FAAH: variants seen among roughly 807,000 people sequenced by gnomAD.
FAAH encodes fatty acid amide hydrolase, also known as fatty-acid amide hydrolase 1.
A neutral mutation model predicts 69.7 loss-of-function variants in FAAH; 63 were observed. The ratio of observed to expected loss-of-function variants is 0.90; its 90% CI spans 0.74 to 1.12. FAAH has a LOEUF of 1.12. Ranked by LOEUF, FAAH falls within the 50% of genes most tolerant of loss-of-function variation. The probability of loss-of-function intolerance (pLI) is 0.00; values close to 1 mark genes in which losing one functional copy is unlikely to be tolerated. For synonymous variants in FAAH, 305 were observed against 324.2 expected (o/e 0.94, Z 0.64); for missense variants, 680 against 755.0 (o/e 0.90, Z 1.16).
intron 1 of FAAH, among the ~76,000 whole-genome samples, chr1:46,398,662 G>A (rs1437806390): frequency 1.3e-5 from 2 of 152,046 alleles, no homozygotes; most frequent in Non-Finnish European, 2.9e-5. Flanking sequence ...GCCTCCTGGA[G>A]TAGCTAGGAC....
rs944250567 is a variant in FAAH, at chr1:46,411,520, G to A, written c.1317-92G>A. 1.5e-6 allele frequency: 2 copies of A among 1,369,522 alleles called. No homozygotes were observed. Among genetic ancestry groups the A allele is most frequent in the African/African-American group, 1.4e-5 (1 of 69,838 alleles). 84.8% of individuals were successfully genotyped at this position (1,369,522 alleles called of 1,614,324 possible). A position where few individuals can be genotyped will look rare whatever the true frequency, so the allele number is the denominator to read the frequency against. ...GGGGTTGTGAAGGGTCCACGGAGGG[G>A]TGAGATCTAGAGGGTTGGCAGTAGG... On this transcript the variant is annotated intron_variant, in intron 11 of 14. Transcript: ENST00000243167. This position sits in a 1 kb window ranked among gnomAD's most constrained non-coding sequence, Gnocchi z 4.8.
At chr1:46,408,989 G>T in intron 8 of FAAH, 112 bp from the exon 9 acceptor site, 1 of 836,448 alleles carries the variant, frequency 1.2e-6, no homozygotes. Context: ...TCTAGTGAGA[G>T]CTATCTTGTG....
At position 46,411,996 on chromosome 1, in the gene FAAH, C is replaced by T; in HGVS notation, c.1357-147C>T. Reference sequence around the variant, plus strand: ...CCCTCTGAGAGGCAGCACTGCCTGCCCGGAGGACCTGTGTCCCACTGTGGC... The same window carrying T: ...CCCTCTGAGAGGCAGCACTGCCTGCTCGGAGGACCTGTGTCCCACTGTGGC... On this transcript the variant is annotated intron_variant, in intron 12 of 14. Transcript: ENST00000243167. The surrounding 1 kb of genome is among the most constrained non-coding windows in gnomAD (Gnocchi z 4.8). The T allele has an allele frequency of 1.3e-6, 1 of 750,100 alleles. No homozygotes were observed. Among genetic ancestry groups the T allele is most frequent in the Non-Finnish European group, 2.4e-6 (1 of 424,582 alleles). 46.5% of individuals were successfully genotyped at this position (750,100 alleles called of 1,614,324 possible).
chr1:46,398,657 C>T (rs1389824217), intron 1 of FAAH, among the ~76,000 whole-genome samples: 3 of 152,066 alleles, frequency 2.0e-5, no homozygotes, highest in Non-Finnish European at 2.9e-5. Context: ...CCTCAGCCTC[C>T]TGGAGTAGCT....
At chr1:46,396,575 G>C (rs1664601321) in intron 1 of FAAH, among the ~76,000 whole-genome samples, 1 of 151,898 alleles carries the variant, frequency 6.6e-6, no homozygotes, top group Non-Finnish European at 1.5e-5. Flanking sequence ...TGTGCCCCTG[G>C]GTACTCAAGA....
rs1268084614 is a variant in FAAH at position 46,410,674 on chromosome 1, AC to A, written c.1276-137del. 8.5e-7 allele frequency: 1 copy of A among 1,174,360 alleles called. No individual in the cohort carries two copies. Among genetic ancestry groups the A allele is most frequent in the Non-Finnish European group, 1.3e-6 (1 of 784,178 alleles). 72.7% of individuals were successfully genotyped at this position (1,174,360 alleles called of 1,614,324 possible). ...CTCTGTCCCCTGCGATCTTCAGCCA[AC>A]CCGCATGCTGAAAGGGGTGCCGACC... On this transcript the variant is annotated intron_variant, in intron 10 of 14. Coordinates refer to ENST00000243167, the MANE Select transcript of FAAH (RefSeq NM_001441.3). The surrounding 1 kb of genome is among the most constrained non-coding windows in gnomAD (Gnocchi z 4.9).
intron 1 of FAAH, among the ~76,000 whole-genome samples, chr1:46,397,217 A>G (rs1391292409): frequency 6.6e-6 from 1 of 152,236 alleles, no homozygotes; most frequent in African/African-American, 2.4e-5. Context: ...GGATCTGCTC[A>G]CAGCTCTTGC....
chr1:46,412,358 G>T, intron 13 of FAAH, 107 bp downstream of exon 13: 1 of 954,580 alleles, frequency 1.0e-6, no homozygotes, highest in Admixed American at 2.0e-5. Context: ...GCCCTCTCGG[G>T]GCCCACAGTC....
rs931535906 is a variant in FAAH at position 46,410,984 on chromosome 1, G to T, written c.1316+130G>T. The T allele has an allele frequency of 1.7e-6, 2 of 1,143,372 alleles. No homozygotes were observed. The highest frequency in any genetic ancestry group is 1.3e-5 in the South Asian group (1 of 78,656). The allele number at this position is 1,143,372 out of a possible 1,614,324, so 70.8% of individuals were successfully genotyped here. A position where few individuals can be genotyped will look rare whatever the true frequency, so the allele number is the denominator to read the frequency against. ...GGCTGGAAGTGGCCCAGGCAGGGGG[G>T]CAACCTTTGTGGCCTTCAGATGGGA... On this transcript the variant is annotated intron_variant, in intron 11 of 14. Transcript: ENST00000243167. The surrounding 1 kb of genome is among the most constrained non-coding windows in gnomAD (Gnocchi z 4.9).
rs1450572369 is a variant in FAAH, at chr1:46,413,548, G to A, written c.1713G>A (p.Leu571=). 6 of 1,613,982 alleles carry A rather than the reference G, an allele frequency of 3.7e-6. No individual in the cohort carries two copies. In the African/African-American group the frequency reaches 8.0e-5, roughly 22 times the overall value. ...GGTTCATGCGGGAGGTGGAGCGACTGATGACCCCTGAAAAGCAGTCATCCT... is the reference window on the plus strand; with the variant it reads ...GGTTCATGCGGGAGGTGGAGCGACTAATGACCCCTGAAAAGCAGTCATCCT... The part of the protein sequence containing the change: ...CLRFMREVER[L]MTPEKQSS The change falls in exon 15 of 15, where the codon CTG becomes CTA. Residue 571 remains leucine (L), a synonymous_variant. Coordinates refer to ENST00000243167, the MANE Select transcript of FAAH (RefSeq NM_001441.3).
chr1:46,405,856 C>G lies in FAAH; in HGVS notation c.785+62C>G, dbSNP rs543490988. The G allele has an allele frequency of 1.9e-6, 3 of 1,607,406 alleles. No homozygotes were observed. The highest frequency in any genetic ancestry group is 2.2e-5 in the East Asian group (1 of 44,602). On this transcript the variant is annotated intron_variant, in intron 5 of 14. Transcript: ENST00000243167. The surrounding 1 kb of genome is among the most constrained non-coding windows in gnomAD (Gnocchi z 4.1). The stretch of plus-strand genomic sequence containing the variant: ...GTGTGACCTTGGCCTAGCTTCCAAC[C>G]TCTCTGGGCTCCAGGCGGGGATTCG...
intron 2 of FAAH, among the ~76,000 whole-genome samples, chr1:46,403,069 G>C (rs1664731953): frequency 6.6e-6 from 1 of 151,320 alleles, no homozygotes; most frequent in African/African-American, 2.4e-5. Flanking sequence ...CCTGACCTCA[G>C]GTGATCCACC....
intron 1 of FAAH, among the ~76,000 whole-genome samples, chr1:46,394,906 G>T (rs1010028149): frequency 1.3e-5 from 2 of 152,174 alleles, no homozygotes; most frequent in African/African-American, 4.8e-5. Context: ...TAATGGCCAA[G>T]GGGATCTGGA....
At position 46,404,253 on chromosome 1, in the gene FAAH, G is replaced by A. The variant is rs45592632; in HGVS notation, c.310-761G>A. ...TCTCTGTTCCTGCCTCGGGTACCCC[G>A]GGGACAGATTTTGCACATGCCTGAA... On this transcript the variant is annotated intron_variant, in intron 2 of 14. Coordinates refer to ENST00000243167, the MANE Select transcript of FAAH (RefSeq NM_001441.3). The surrounding 1 kb of genome is among the most constrained non-coding windows in gnomAD (Gnocchi z 4.5). Among the ~76,000 whole-genome samples the A allele has an allele frequency of 8.3e-3, 1,263 of 152,258 alleles. 18 individuals are homozygous for A. Among genetic ancestry groups the A allele is most frequent in the African/African-American group, 0.03 (1,226 of 41,532 alleles).
At position 46,413,478 on chromosome 1, in the gene FAAH, C is replaced by G; in HGVS notation, c.1643C>G (p.Ala548Gly). ...AAGAAGAGTGTGGGGCTGCCGGTGGCCGTGCAGTGTGTGGCTCTGCCCTGG... is the reference window on the plus strand; with the variant it reads ...AAGAAGAGTGTGGGGCTGCCGGTGGGCGTGCAGTGTGTGGCTCTGCCCTGG... Reference protein sequence around the residue: ...GMKKSVGLPVAVQCVALPWQE... With the variant: ...GMKKSVGLPVGVQCVALPWQE... Residue 548 changes from alanine (A) to glycine (G), a missense_variant, in exon 15 of 15, where the codon GCC becomes GGC. Transcript: ENST00000243167. 3 of 1,614,080 alleles carry G rather than the reference C, an allele frequency of 1.9e-6. No homozygotes were observed. Among genetic ancestry groups the G allele is most frequent in the Non-Finnish European group, 2.5e-6 (3 of 1,180,006 alleles).
rs776145649 is a variant in FAAH, at chr1:46,405,507, T to C, written c.578+2T>C. ...CAATGTTCCACAGTCCATGTTCAGG[T>C]TGGGTCTTGGGGTGGGGCGGGGCGG... is the stretch of plus-strand genomic sequence containing the variant. On this transcript the variant is annotated splice_donor_variant, in intron 4 of 14. Transcript: ENST00000243167. LOFTEE classifies it high-confidence loss of function. The surrounding 1 kb of genome is among the most constrained non-coding windows in gnomAD (Gnocchi z 4.1). The C allele has an allele frequency of 3.4e-6, 5 of 1,454,082 alleles. No individual in the cohort carries two copies. In the African/African-American group the frequency reaches 5.8e-5, roughly 17 times the overall value. The allele number at this position is 1,454,082 out of a possible 1,614,324, so 90.1% of individuals were successfully genotyped here.
intron 9 of FAAH, 188 bp downstream of exon 9, chr1:46,409,386 C>T: frequency 1.6e-6 from 1 of 628,586 alleles, no homozygotes. Flanking sequence ...GCCAGGGTGC[C>T]AGCCCGAGGG....
intron 7 of FAAH, 58 bp from the exon 8 acceptor site, chr1:46,408,401 G>C: frequency 6.2e-7 from 1 of 1,612,870 alleles, no homozygotes; most frequent in African/African-American, 1.3e-5. Flanking sequence ...ATCTCTAGGG[G>C]TCCTGCCTAG....
At position 46,405,113 on chromosome 1, in the gene FAAH, G is replaced by A. The variant is rs749326554; in HGVS notation, c.409G>A (p.Val137Ile). The change falls in exon 3 of 15, where the codon GTC becomes ATC. Residue 137 changes from valine (V) to isoleucine (I), a missense_variant. Coordinates refer to ENST00000243167, the MANE Select transcript of FAAH (RefSeq NM_001441.3). The surrounding 1 kb of genome is among the most constrained non-coding windows in gnomAD (Gnocchi z 4.1). ...QAPRQGLLYG[V>I]PVSLKECFTY... is the part of the protein sequence containing the mutation. ...CCCAAGGCAGGGCCTGCTCTATGGC[G>A]TCCCTGTGAGCCTCAAGGAGTGCTT... 2.4e-5 allele frequency: 38 copies of A among 1,613,654 alleles called. No individual in the cohort carries two copies. The highest frequency in any genetic ancestry group is 6.7e-5 in the African/African-American group (5 of 74,910).
Sources: gnomAD v4.1 joint callset for allele counts (sites outside exome capture counted in the v4.1 genomes callset) on GRCh38, gnomAD v4.1.1 for gene constraint, Gnocchi (gnomAD v3.1) non-coding constraint, MANE v1.5 for transcripts, NCBI Gene and HGNC (gene_info 2026-07-23, HGNC 2026-07-21) for gene names.